SMARCAD1: variants seen among roughly 807,000 people sequenced by gnomAD.
The protein encoded by SMARCAD1 is SWI/SNF-related matrix-associated actin-dependent regulator of chromatin subfamily A containing DEAD/H box 1.
A neutral mutation model predicts 127.1 loss-of-function variants in SMARCAD1; 25 were observed. The ratio of observed to expected loss-of-function variants is 0.20; its 90% CI spans 0.14 to 0.27. The LOEUF is 0.27. SMARCAD1 is among the 10% of genes least tolerant of loss of function. The pLI is 1.00. For synonymous variants in SMARCAD1, 400 were observed against 396.9 expected (o/e 1.01, Z -0.09); for missense variants, 807 against 1,206.0 (o/e 0.67, Z 4.90).
chr4:94,256,832 G>A (rs1391236281), intron 9 of SMARCAD1, among the ~76,000 whole-genome samples: 2 of 125,774 alleles, frequency 1.6e-5, no homozygotes, highest in Non-Finnish European at 3.5e-5. Context: ...TGATAAGTTT[G>A]TATTAAAAAA....
At chr4:94,281,057 T>A (rs868420234) in intron 20 of SMARCAD1, among the ~76,000 whole-genome samples, 23 of 152,214 alleles carry the variant, frequency 1.5e-4, no homozygotes, top group Admixed American at 9.2e-4. Context: ...TCTGTATGTG[T>A]GCTTCAAAAT....
At chr4:94,267,912 C>G (rs1032803853) in intron 10 of SMARCAD1, among the ~76,000 whole-genome samples, 1 of 152,022 alleles carries the variant, frequency 6.6e-6, no homozygotes, top group Admixed American at 6.6e-5. Flanking sequence ...TATATAGCAT[C>G]TAAATATTAG....
At position 94,280,712 on chromosome 4, in the gene SMARCAD1, A is replaced by G. The variant is rs147230441; in HGVS notation, c.2539A>G (p.Met847Val). ...ACACATTAATAACTTTCAGTTAGAC[A>G]TGGACTTGATTTTAGATTCTGGAAA... ...YRHINNFQLDMDLILDSGKFR... is the reference protein window; with the variant it reads ...YRHINNFQLDVDLILDSGKFR... The change falls in exon 20 of 24, where the codon ATG (methionine) becomes GTG (valine). Residue 847 changes from methionine to valine, a missense_variant. Met to Val is a conservative substitution (Grantham distance 21, BLOSUM62 1). Coordinates refer to ENST00000354268, the MANE Select transcript of SMARCAD1 (RefSeq NM_020159.5). The G allele has an allele frequency of 9.2e-5, 148 of 1,613,694 alleles. No homozygotes were observed. Among genetic ancestry groups the G allele is most frequent in the Non-Finnish European group, 7.2e-5 (85 of 1,179,858 alleles).
chr4:94,208,955 A>G (rs1308309375), intron 2 of SMARCAD1, among the ~76,000 whole-genome samples: 2 of 152,220 alleles, frequency 1.3e-5, no homozygotes, highest in Admixed American at 1.3e-4. Context: ...CCCTCAAAAT[A>G]TTGATCATCT....
chr4:94,208,375 A>C lies in SMARCAD1; in HGVS notation c.-20A>C, dbSNP rs1362128880. ...TTCATTTAAAGCCCCCATCCCTGCA[A>C]GGTGGTGCTTTCTACCAATATGAAT... On this transcript the variant is annotated 5_prime_UTR_variant, in exon 2 of 24. Transcript: ENST00000354268. The C allele has an allele frequency of 6.2e-7, 1 of 1,613,048 alleles. No individual in the cohort carries two copies. Among genetic ancestry groups the C allele is most frequent in the Middle Eastern group, 1.7e-4 (1 of 5,900 alleles).
chr4:94,250,175 A>G (rs1749071784), intron 7 of SMARCAD1, among the ~76,000 whole-genome samples: 1 of 151,880 alleles, frequency 6.6e-6, no homozygotes, highest in African/African-American at 2.4e-5. Flanking sequence ...CCAGATAGTG[A>G]GAATGTTTTC....
At chr4:94,232,688 C>T (rs1746026408) in intron 3 of SMARCAD1, among the ~76,000 whole-genome samples, 1 of 152,162 alleles carries the variant, frequency 6.6e-6, no homozygotes, top group Non-Finnish European at 1.5e-5. Context: ...CATGGTGGCT[C>T]ACACCTGTTA....
chr4:94,214,781 A>G (rs1742894534), intron 2 of SMARCAD1, among the ~76,000 whole-genome samples: 1 of 152,130 alleles, frequency 6.6e-6, no homozygotes, highest in Non-Finnish European at 1.5e-5. Context: ...AATGGAGGAA[A>G]GTTTTAGTAT....
chr4:94,238,598 G>GC (rs1747076742), intron 5 of SMARCAD1, among the ~76,000 whole-genome samples: 2 of 152,044 alleles, frequency 1.3e-5, no homozygotes, highest in Non-Finnish European at 2.9e-5. Context: ...GAGTGACAGA[G>GC]CAAGACCCTG....
rs181407895 is a variant in SMARCAD1, at chr4:94,249,390, G to A, written c.706-264G>A. 2.6e-5 allele frequency among the ~76,000 whole-genome samples: 4 copies of A among 152,100 alleles called. No homozygotes were observed. In the East Asian group the frequency reaches 7.7e-4, roughly 29 times the overall value. On this transcript the variant is annotated intron_variant, in intron 6 of 23. Coordinates refer to ENST00000354268, the MANE Select transcript of SMARCAD1 (RefSeq NM_020159.5). Reference sequence around the variant, plus strand: ...TGAGGATCATTCTAGTTTTTTAGGAGATTTATCTCATTTTAAGCACTGAGA... The same window carrying A: ...TGAGGATCATTCTAGTTTTTTAGGAAATTTATCTCATTTTAAGCACTGAGA...
intron 9 of SMARCAD1, among the ~76,000 whole-genome samples, chr4:94,257,018 AC>A (rs1750203030): frequency 6.6e-6 from 1 of 152,212 alleles, no homozygotes; most frequent in South Asian, 2.1e-4. Flanking sequence ...AAATATCTGT[AC>A]AGTAAGAGTG....
chr4:94,278,796 T>C (rs1468120831), intron 18 of SMARCAD1, 63 bp downstream of exon 18: 1 of 1,599,040 alleles, frequency 6.3e-7, no homozygotes, highest in South Asian at 1.1e-5. Context: ...GCATTTTGTT[T>C]AGTCATATAA....
chr4:94,278,160 A>G (rs1273497747), intron 16 of SMARCAD1, among the ~76,000 whole-genome samples: 1 of 152,220 alleles, frequency 6.6e-6, no homozygotes, highest in Non-Finnish European at 1.5e-5. Flanking sequence ...ATGACTTCTG[A>G]ACACCCATCT....
At position 94,226,078 on chromosome 4, in the gene SMARCAD1, C is replaced by T. The variant is rs74975674; in HGVS notation, c.191-41C>T. 2.2e-3 allele frequency: 3,297 copies of T among 1,500,104 alleles called. 57 individuals carry two copies. The African/African-American group carries it at 0.039, about 18-fold the overall frequency. 92.9% of individuals were successfully genotyped at this position (1,500,104 alleles called of 1,614,324 possible). A position where few individuals can be genotyped will look rare whatever the true frequency, so the allele number is the denominator to read the frequency against. ...TATAACTAACAACAGATTCGTTTTC[C>T]AGTTGCTCAAAATATTTTTCTCCTT... On this transcript the variant is annotated intron_variant, in intron 2 of 23. Coordinates refer to ENST00000354268, the MANE Select transcript of SMARCAD1 (RefSeq NM_020159.5).
At chr4:94,281,856 A>G (rs912446507) in intron 21 of SMARCAD1, among the ~76,000 whole-genome samples, 1 of 135,802 alleles carries the variant, frequency 7.4e-6, no homozygotes, top group Non-Finnish European at 1.6e-5. Flanking sequence ...CCCTGTCTCT[A>G]CTAAAAACAC....
At chr4:94,231,730 T>G (rs1489965875) in intron 3 of SMARCAD1, among the ~76,000 whole-genome samples, 1 of 152,138 alleles carries the variant, frequency 6.6e-6, no homozygotes, top group Middle Eastern at 3.2e-3. Flanking sequence ...TATAGCTGAT[T>G]TTTTTCAAAA....
At chr4:94,272,248 A>G (rs1434770651) in intron 11 of SMARCAD1, among the ~76,000 whole-genome samples, 1 of 152,210 alleles carries the variant, frequency 6.6e-6, no homozygotes, top group Non-Finnish European at 1.5e-5. Flanking sequence ...CTCTAAATAC[A>G]ATGGCATTTG....
At chr4:94,270,236 T>C (rs926269648) in intron 10 of SMARCAD1, among the ~76,000 whole-genome samples, 1 of 152,042 alleles carries the variant, frequency 6.6e-6, no homozygotes, top group Admixed American at 6.5e-5. Flanking sequence ...AAATGCGTGC[T>C]TCAGAATTAT....
intron 6 of SMARCAD1, among the ~76,000 whole-genome samples, chr4:94,247,251 A>G (rs982041646): frequency 2.0e-5 from 3 of 152,222 alleles, no homozygotes; most frequent in African/African-American, 7.2e-5. Flanking sequence ...TGTTCCAACT[A>G]TGATTCTGGA....
Sources: allele counts gnomAD v4.1 joint callset (sites outside exome capture counted in the v4.1 genomes callset), GRCh38; gene constraint gnomAD v4.1.1; transcripts MANE v1.5; gene names NCBI Gene and HGNC (gene_info 2026-07-23, HGNC 2026-07-21).